Variants in EFL1 observed in about 807,000 individuals in gnomAD.
EFL1 encodes elongation factor like GTPase 1.
EFL1 carries 76 observed loss-of-function variants against 126.7 expected under a neutral mutation model. The ratio of observed to expected loss-of-function variants is 0.60; its 90% confidence interval spans 0.50 to 0.73. The LOEUF (loss-of-function observed/expected upper bound fraction) is 0.73. Ranked by LOEUF, EFL1 falls within the 30% of genes least tolerant of loss-of-function variation. The pLI, the probability that EFL1 is intolerant of heterozygous loss-of-function variation, is 0.00. For missense variants in EFL1, 1,128 were observed against 1,343.2 expected (o/e 0.84, Z 2.50); for synonymous variants, 410 against 448.4 (o/e 0.91, Z 1.08).
chr15:82,183,171 G>A (rs1439327612), intron 15 of EFL1, among the ~76,000 whole-genome samples: 2 of 152,086 alleles, frequency 1.3e-5, no homozygotes, highest in African/African-American at 2.4e-5. Context: ...TATACTCAGC[G>A]GCAAAAAGTA....
At position 82,163,899 on chromosome 15, in the gene EFL1, G is replaced by T. The variant is rs377357859; in HGVS notation, c.1836C>A (p.Phe612Leu). ...CAACTCTCACAATAGGAGTGGCTTC[G>T]AAGTTGAGTGGTATAAATGGTGGGC... ...PSCPPFIPLN[F>L]EATPIVRVAV... The change falls in exon 16 of 20, where the codon TTC becomes TTA. Residue 612 changes from phenylalanine (F) to leucine (L), a missense_variant. Phe to Leu is a conservative substitution (Grantham distance 22). This residue lies in a region of EFL1 where 561 missense variants were observed against 641.7 expected (regional missense o/e 0.87). Coordinates refer to ENST00000268206, the MANE Select transcript of EFL1 (RefSeq NM_024580.6). The T allele has an allele frequency of 6.2e-7, 1 of 1,614,128 alleles. No individual in the cohort carries two copies.
At chr15:82,168,172 C>T (rs199895246) in intron 15 of EFL1, among the ~76,000 whole-genome samples, 1 of 152,166 alleles carries the variant, frequency 6.6e-6, no homozygotes, top group East Asian at 1.9e-4. Flanking sequence ...CCTCTGTTTC[C>T]AATTTTATGC....
intron 18 of EFL1, 144 bp from the exon 19 acceptor site, chr15:82,138,986 C>G: frequency 1.2e-6 from 1 of 802,420 alleles, no homozygotes; most frequent in Non-Finnish European, 1.8e-6. Context: ...GCAAGGAACA[C>G]TTTTTAAGTG....
At chr15:82,155,207 T>G (rs1199445771) in intron 17 of EFL1, among the ~76,000 whole-genome samples, 1 of 152,026 alleles carries the variant, frequency 6.6e-6, no homozygotes, top group African/African-American at 2.4e-5. Context: ...CTACTAAAAT[T>G]TTGTTGCCAT....
rs2075141873 is a variant in EFL1, at chr15:82,262,723, G to C, written c.-129C>G. The C allele has an allele frequency of 1.2e-6, 1 of 864,750 alleles. No individual in the cohort carries two copies. Among genetic ancestry groups the C allele is most frequent in the African/African-American group, 1.8e-5 (1 of 56,422 alleles). The allele number at this position is 864,750 out of a possible 1,614,324, so 53.6% of individuals were successfully genotyped here. A position where few individuals can be genotyped will look rare whatever the true frequency, so the allele number is the denominator to read the frequency against. ...GTCCGACACGCCCGCGCGCCAGGGG[G>C]CGGGGCCGGCTGTCGCTCGACCTTT... On this transcript the variant is annotated 5_prime_UTR_variant, in exon 1 of 20. Coordinates refer to ENST00000268206, the MANE Select transcript of EFL1 (RefSeq NM_024580.6).
intron 18 of EFL1, among the ~76,000 whole-genome samples, chr15:82,147,404 C>A (rs1319037374): frequency 6.6e-6 from 1 of 151,562 alleles, no homozygotes; most frequent in Non-Finnish European, 1.5e-5. Flanking sequence ...CCGAGGCGGG[C>A]GGATCACTTG....
chr15:82,238,665 T>C (rs1277389419), intron 6 of EFL1, 144 bp from the exon 7 acceptor site: 19 of 665,504 alleles, frequency 2.9e-5, no homozygotes, highest in South Asian at 3.8e-5. Context: ...GTGACATTCA[T>C]AATCAGTGAA....
At chr15:82,256,139 G>A (rs755416101) in intron 3 of EFL1, among the ~76,000 whole-genome samples, 4 of 152,038 alleles carry the variant, frequency 2.6e-5, no homozygotes, top group African/African-American at 7.2e-5. Context: ...AAGAGATGGC[G>A]TCTTGTGCTA....
intron 18 of EFL1, among the ~76,000 whole-genome samples, chr15:82,149,352 T>C (rs1051277980): frequency 1.3e-5 from 2 of 152,204 alleles, no homozygotes; most frequent in African/African-American, 4.8e-5. Flanking sequence ...TACCAAAAAT[T>C]TGGATTCTGC....
intron 18 of EFL1, among the ~76,000 whole-genome samples, chr15:82,148,295 T>C (rs553180782): frequency 7.6e-4 from 115 of 151,724 alleles, no homozygotes; most frequent in Middle Eastern, 6.8e-3. Context: ...GGAGAATTGC[T>C]TGAACCCAGG....
intron 3 of EFL1, 84 bp downstream of exon 3, chr15:82,259,004 G>A (rs2075089824): frequency 1.6e-6 from 2 of 1,238,988 alleles, no homozygotes; most frequent in East Asian, 2.3e-5. Flanking sequence ...CCTTTTGGAT[G>A]GCTGAAGAAC....
chr15:82,186,841 C>T (rs1291772481), intron 15 of EFL1, among the ~76,000 whole-genome samples: 1 of 152,038 alleles, frequency 6.6e-6, no homozygotes, highest in Non-Finnish European at 1.5e-5. Context: ...CTTTGATGAT[C>T]GAGGCTTGTT....
intron 15 of EFL1, among the ~76,000 whole-genome samples, chr15:82,190,110 TAAAA>T (rs76997618): frequency 1.8e-4 from 24 of 136,866 alleles, no homozygotes; most frequent in Admixed American, 8.1e-4. Context: ...GACTCTGTCT[TAAAA>T]AAAAAAAAAA....
chr15:82,235,787 CA>C (rs970347882), intron 7 of EFL1, among the ~76,000 whole-genome samples: 1 of 152,076 alleles, frequency 6.6e-6, no homozygotes, highest in Non-Finnish European at 1.5e-5. Flanking sequence ...AGACCAAGAA[CA>C]AGGCAAGGAT....
chr15:82,243,654 C>T (rs1304407810), intron 4 of EFL1, among the ~76,000 whole-genome samples: 1 of 113,128 alleles, frequency 8.8e-6, no homozygotes, highest in Non-Finnish European at 1.8e-5. Context: ...AAAATGCACT[C>T]GTACAGACAT....
intron 17 of EFL1, among the ~76,000 whole-genome samples, chr15:82,152,680 T>A (rs1028907469): frequency 6.6e-6 from 1 of 152,112 alleles, no homozygotes; most frequent in East Asian, 1.9e-4. Flanking sequence ...TTTTTTTTCA[T>A]TTTCAAGATA....
At chr15:82,141,687 C>CAAAAAA (rs111707224) in intron 18 of EFL1, among the ~76,000 whole-genome samples, 1 of 111,784 alleles carries the variant, frequency 8.9e-6, no homozygotes, top group Non-Finnish European at 1.8e-5. Context: ...AAAAAAAAAC[C>CAAAAAA]AAAAAAAAAA....
At chr15:82,200,085 G>A (rs543841298) in intron 15 of EFL1, among the ~76,000 whole-genome samples, 3 of 152,136 alleles carry the variant, frequency 2.0e-5, no homozygotes, top group Non-Finnish European at 4.4e-5. Context: ...CAGGGGCAGG[G>A]GCAAGTTTAT....
intron 3 of EFL1, among the ~76,000 whole-genome samples, chr15:82,253,094 A>C (rs2075038260): frequency 6.6e-6 from 1 of 151,728 alleles, no homozygotes; most frequent in Non-Finnish European, 1.5e-5. Flanking sequence ...GCTGGAATGC[A>C]ATGGTACAAT....
Sources: gnomAD v4.1 joint callset for allele counts (sites outside exome capture counted in the v4.1 genomes callset) on GRCh38, gnomAD v4.1.1 for gene constraint, gnomAD v4.1.1 regional missense constraint, MANE v1.5 for transcripts, NCBI Gene and HGNC (gene_info 2026-07-23, HGNC 2026-07-21) for gene names.